Variants in SYNE2 observed in about 807,000 individuals in gnomAD.
SYNE2 encodes spectrin repeat containing nuclear envelope protein 2.
SYNE2 carries 431 observed loss-of-function variants against 856.3 expected under a neutral mutation model. The ratio of observed to expected loss-of-function variants is 0.50; its 90% CI spans 0.47 to 0.55. The LOEUF is 0.55. Ranked by LOEUF, SYNE2 falls within the 20% of genes least tolerant of loss-of-function variation. The pLI is 0.00. For synonymous variants in SYNE2, 2,923 were observed against 2,872.3 expected, an observed-to-expected ratio of 1.02 and a Z score of -0.56; for missense variants, 8,129 against 8,023.2, an observed-to-expected ratio of 1.01 and a Z score of -0.50.
chr14:63,765,352 G>A (rs1886631503), intron 1 of SYNE2, among the ~76,000 whole-genome samples: 1 of 151,836 alleles, frequency 6.6e-6, no homozygotes, highest in Non-Finnish European at 1.5e-5. Flanking sequence ...CGATAGACTT[G>A]TTTTTTGTTT....
At chr14:64,089,800 T>A in intron 59 of SYNE2, 104 bp downstream of exon 59, 1 of 993,374 alleles carries the variant, frequency 1.0e-6, no homozygotes, top group Non-Finnish European at 1.5e-6. Context: ...CTTACCAGAG[T>A]AATAGCAAAA....
intron 57 of SYNE2, 49 bp downstream of exon 57, chr14:64,081,629 T>A (rs1487233785): frequency 1.2e-6 from 2 of 1,604,712 alleles, no homozygotes; most frequent in Non-Finnish European, 1.7e-6. Flanking sequence ...TACATAAAGA[T>A]TCGTGGCTTA....
chr14:64,116,811 A>T (rs1036244301), intron 66 of SYNE2, among the ~76,000 whole-genome samples: 31 of 152,368 alleles, frequency 2.0e-4, no homozygotes, highest in African/African-American at 7.2e-4. Context: ...CTAGAAACAA[A>T]GGGGTAACAA....
chr14:63,930,554 G>T (rs1178348462), intron 2 of SYNE2, among the ~76,000 whole-genome samples: 4 of 131,966 alleles, frequency 3.0e-5, no homozygotes, highest in African/African-American at 8.6e-5. Flanking sequence ...TTTTTTTAAA[G>T]ACAGAGTCCT....
At chr14:64,000,423 G>A in intron 27 of SYNE2, 139 bp from the exon 28 acceptor site, 2 of 777,318 alleles carry the variant, frequency 2.6e-6, no homozygotes, top group East Asian at 2.7e-5. Flanking sequence ...GTAGGTGGTT[G>A]GAAAGTATTT....
chr14:64,123,834 A>G (rs139460467), intron 70 of SYNE2, among the ~76,000 whole-genome samples: 71 of 152,040 alleles, frequency 4.7e-4, no homozygotes, highest in African/African-American at 1.7e-3. Context: ...TGTAGCGTGA[A>G]TGTTGTTATT....
At chr14:64,089,464 G>A (rs1252022914) in intron 58 of SYNE2, 110 bp from the exon 59 acceptor site, 1 of 995,006 alleles carries the variant, frequency 1.0e-6, no homozygotes, top group Non-Finnish European at 1.5e-6. Flanking sequence ...AGGTATAGAT[G>A]GCAGACATTA....
intron 1 of SYNE2, among the ~76,000 whole-genome samples, chr14:63,772,708 A>T (rs1359833996): frequency 6.6e-6 from 1 of 151,610 alleles, no homozygotes; most frequent in East Asian, 1.9e-4. Context: ...ATTCCACTGT[A>T]CTCTAGCCTG....
At position 64,025,325 on chromosome 14, in the gene SYNE2, T is replaced by A; in HGVS notation, c.6156T>A (p.Asp2052Glu). 1 of 1,614,098 alleles carries A rather than the reference T, an allele frequency of 6.2e-7. No homozygotes were observed. The highest frequency in any genetic ancestry group is 8.5e-7 in the Non-Finnish European group (1 of 1,179,988). ...EDQSFNDLAH[D>E]VIHWIKEIKE... ...AGAGCTTTAATGATCTTGCACATGA[T>A]GTAATTCATTGGATAAAAGAGATTA... is the stretch of plus-strand genomic sequence containing the variant. Residue 2052 changes from aspartate (D) to glutamate (E), a missense_variant, in exon 41 of 116, where the codon GAT becomes GAA. Asp to Glu is a conservative substitution (Grantham distance 45). Transcript: ENST00000555002.
chr14:63,988,749 A>C (rs755857179), intron 19 of SYNE2, among the ~76,000 whole-genome samples: 3 of 152,200 alleles, frequency 2.0e-5, no homozygotes, highest in East Asian at 1.9e-4. Context: ...AGTCATGTCT[A>C]TGTGGTGGCA....
chr14:64,019,602 A>G (rs2153530909), intron 34 of SYNE2, among the ~76,000 whole-genome samples: 1 of 152,348 alleles, frequency 6.6e-6, no homozygotes, highest in Non-Finnish European at 1.5e-5. Context: ...TAAGAATTGT[A>G]AACTGACAGC....
chr14:63,933,533 T>G (rs1013008371), intron 2 of SYNE2, among the ~76,000 whole-genome samples: 1 of 152,176 alleles, frequency 6.6e-6, no homozygotes, highest in Non-Finnish European at 1.5e-5. Context: ...AATCTTTGCC[T>G]TCTGTGCCTC....
chr14:64,147,605 T>C (rs1227074377), intron 84 of SYNE2, among the ~76,000 whole-genome samples: 7 of 152,174 alleles, frequency 4.6e-5, no homozygotes, highest in Non-Finnish European at 7.4e-5. Flanking sequence ...AAGCTGTAAA[T>C]AAAATAAATT....
intron 33 of SYNE2, 84 bp from the exon 34 acceptor site, chr14:64,017,511 A>T (rs1452820763): frequency 8.3e-7 from 1 of 1,212,068 alleles, no homozygotes; most frequent in Non-Finnish European, 1.2e-6. Context: ...CTAAAATTTT[A>T]TTTTAAAACA....
At chr14:64,156,251 C>T (rs1223929872) in intron 85 of SYNE2, among the ~76,000 whole-genome samples, 1 of 152,088 alleles carries the variant, frequency 6.6e-6, no homozygotes, top group Admixed American at 6.5e-5. Context: ...AGTTCCACCA[C>T]CTTTATCTGT....
At chr14:64,075,695 G>A in intron 53 of SYNE2, 1 of 446,054 alleles carries the variant, frequency 2.2e-6, no homozygotes, top group South Asian at 2.2e-5. Context: ...AGGGGGTGTT[G>A]TAATGTCTTT....
chr14:64,138,946 G>GTATGGTGT (rs1465109787), intron 79 of SYNE2, among the ~76,000 whole-genome samples: 11 of 137,696 alleles, frequency 8.0e-5, no homozygotes, highest in African/African-American at 2.8e-4. Flanking sequence ...GTGTATGTAT[G>GTATGGTGT]GTGTGTGTGT....
chr14:63,905,445 C>T (rs773009619), intron 1 of SYNE2, among the ~76,000 whole-genome samples: 3 of 152,024 alleles, frequency 2.0e-5, no homozygotes, highest in Admixed American at 1.3e-4. Flanking sequence ...GGGCATGGAA[C>T]GTTTTTCCCT....
At position 64,051,652 on chromosome 14, in the gene SYNE2, A is replaced by G. The variant is rs757837230; in HGVS notation, c.7739A>G (p.Lys2580Arg). Residue 2580 changes from lysine to arginine, a missense_variant, in exon 48 of 116, where the codon AAA becomes AGA. Lys to Arg is a conservative substitution (Grantham distance 26). Coordinates refer to ENST00000555002, the MANE Select transcript of SYNE2 (RefSeq NM_182914.3). ...GATTCTTTAGGCAACTTGAAAATCAAATGGGAGAATTTATCAAACCACGTG... is the reference window on the plus strand; with the variant it reads ...GATTCTTTAGGCAACTTGAAAATCAGATGGGAGAATTTATCAAACCACGTG... ...EKDSLGNLKI[K>R]WENLSNHVTD... The G allele has an allele frequency of 1.2e-6, 2 of 1,614,230 alleles. No homozygotes were observed. Among genetic ancestry groups the G allele is most frequent in the South Asian group, 1.1e-5 (1 of 91,088 alleles).
Sources: allele counts gnomAD v4.1 joint callset (sites outside exome capture counted in the v4.1 genomes callset), GRCh38; gene constraint gnomAD v4.1.1; transcripts MANE v1.5; gene names NCBI Gene and HGNC (gene_info 2026-07-23, HGNC 2026-07-21).